Variants in ATP10A observed in about 807,000 individuals in gnomAD.
The protein encoded by ATP10A is ATPase phospholipid transporting 10A (putative), also known as phospholipid-transporting ATPase VA.
Under a neutral mutation model 147.8 loss-of-function variants are expected in ATP10A, and 111 were observed. That is an observed-to-expected ratio of 0.75 (90% confidence interval 0.64 to 0.88). The LOEUF (loss-of-function observed/expected upper bound fraction) is 0.88. Among genes scored for constraint, ATP10A ranks in the 40% least tolerant of loss-of-function variants. The probability of loss-of-function intolerance (pLI) is 0.00; values close to 1 mark genes in which losing one functional copy is unlikely to be tolerated. For synonymous variants in ATP10A, 875 were observed against 841.6 expected (o/e 1.04, Z -0.69); for missense variants, 1,927 against 1,959.0 (o/e 0.98, Z 0.31).
At chr15:25,708,482 C>CAAA in intron 10 of ATP10A, 182 bp from the exon 11 acceptor site, 1 of 256,440 alleles carries the variant, frequency 3.9e-6, no homozygotes, top group Admixed American at 6.5e-5. Flanking sequence ...ATATGTTTGA[C>CAAA]TGTTTTATTT....
At chr15:25,862,327 G>A (rs748553902) in intron 1 of ATP10A, 4 of 559,024 alleles carry the variant, frequency 7.2e-6, no homozygotes, top group South Asian at 6.1e-5. Context: ...TTCACTTCAG[G>A]TGGGAGCGGC....
At chr15:25,847,571 T>A (rs1893078739) in intron 1 of ATP10A, among the ~76,000 whole-genome samples, 1 of 148,116 alleles carries the variant, frequency 6.8e-6, no homozygotes, top group African/African-American at 2.5e-5. Flanking sequence ...AATTTGGAGC[T>A]ATTCCATATA....
At position 25,830,989 on chromosome 15, in the gene ATP10A, G is replaced by T. The variant is rs17116242; in HGVS notation, c.449+31659C>A. On this transcript the variant is annotated intron_variant, in intron 1 of 20. Coordinates refer to ENST00000555815, the MANE Select transcript of ATP10A (RefSeq NM_024490.4). ...GCTGTGCCGGGCCTCCCTTCATCTGGCTGCTTCGCTACATGATTCAAAGCC... is the reference window on the plus strand; with the variant it reads ...GCTGTGCCGGGCCTCCCTTCATCTGTCTGCTTCGCTACATGATTCAAAGCC... Among the ~76,000 whole-genome samples, 445 of 152,286 alleles carry T rather than the reference G, an allele frequency of 2.9e-3. 3 individuals carry two copies. The highest frequency in any genetic ancestry group is 0.01 in the African/African-American group (434 of 41,546).
intron 1 of ATP10A, among the ~76,000 whole-genome samples, chr15:25,803,148 C>A (rs1336187286): frequency 6.6e-6 from 1 of 152,138 alleles, no homozygotes; most frequent in Non-Finnish European, 1.5e-5. Flanking sequence ...TCGGCACCTG[C>A]GAGGAGGGAG....
rs187685205 is a variant in ATP10A at position 25,713,714 on chromosome 15, G to A, written c.2304C>T (p.Ala768=). 3.1e-6 allele frequency: 5 copies of A among 1,613,956 alleles called. No homozygotes were observed. The highest frequency in any genetic ancestry group is 1.3e-5 in the African/African-American group (1 of 74,910). ...GCAGGAGATCCATGACCACTGAGTC[G>A]GCCCCCTTGGTGTAGACGTTGATCT... ...TDEINVYTKG[A]DSVVMDLLQP... is the part of the protein sequence containing the mutation. Residue 768 remains alanine (A), a synonymous_variant, in exon 10 of 21, where the codon GCC becomes GCT. Transcript: ENST00000555815.
chr15:25,788,782 C>T (rs1439174549), intron 1 of ATP10A, among the ~76,000 whole-genome samples: 3 of 152,040 alleles, frequency 2.0e-5, no homozygotes, highest in East Asian at 1.9e-4. Flanking sequence ...GCTTGAGGTG[C>T]GGTGGTATAT....
intron 1 of ATP10A, among the ~76,000 whole-genome samples, chr15:25,843,707 C>T (rs570274100): frequency 3.3e-5 from 5 of 152,170 alleles, no homozygotes; most frequent in African/African-American, 1.2e-4. Flanking sequence ...AAAACTGGTC[C>T]CCTGTAGAAA....
At chr15:25,791,193 C>G (rs1890407629) in intron 1 of ATP10A, among the ~76,000 whole-genome samples, 2 of 151,174 alleles carry the variant, frequency 1.3e-5, no homozygotes, top group African/African-American at 4.9e-5. Context: ...AATTCTCCTG[C>G]CTCAGCCTCC....
chr15:25,795,979 G>A (rs1204666141), intron 1 of ATP10A, among the ~76,000 whole-genome samples: 2 of 152,150 alleles, frequency 1.3e-5, no homozygotes, highest in Admixed American at 1.3e-4. Context: ...CTTCCCCTAT[G>A]AGAGGAAGCA....
intron 2 of ATP10A, among the ~76,000 whole-genome samples, chr15:25,778,208 A>G (rs1889716560): frequency 6.6e-6 from 1 of 152,130 alleles, no homozygotes; most frequent in African/African-American, 2.4e-5. Flanking sequence ...CCAACTGATC[A>G]TTCATTAAAC....
intron 1 of ATP10A, among the ~76,000 whole-genome samples, chr15:25,847,722 T>C (rs1223885253): frequency 6.9e-6 from 1 of 145,388 alleles, no homozygotes; most frequent in Non-Finnish European, 1.5e-5. Context: ...CACAGCACTC[T>C]TAACCTTCTG....
chr15:25,733,206 G>A (rs1747636042), intron 3 of ATP10A, among the ~76,000 whole-genome samples: 2 of 152,168 alleles, frequency 1.3e-5, no homozygotes, highest in African/African-American at 4.8e-5. Flanking sequence ...AGGCTGCAAG[G>A]AGGCCAGTGG....
chr15:25,705,723 C>T (rs1212091847), intron 12 of ATP10A, among the ~76,000 whole-genome samples: 1 of 152,192 alleles, frequency 6.6e-6, no homozygotes, highest in African/African-American at 2.4e-5. Context: ...ACTGCATTTG[C>T]TCATTTCTGT....
intron 1 of ATP10A, among the ~76,000 whole-genome samples, chr15:25,860,405 C>G (rs1893709437): frequency 6.6e-6 from 1 of 152,214 alleles, no homozygotes; most frequent in Non-Finnish European, 1.5e-5. Flanking sequence ...ATGGTGCCAT[C>G]TGTCCCTACA....
chr15:25,744,299 CA>C (rs1351992737), intron 2 of ATP10A, among the ~76,000 whole-genome samples: 1 of 152,050 alleles, frequency 6.6e-6, no homozygotes, highest in African/African-American at 2.4e-5. Flanking sequence ...AGATACTAAA[CA>C]AAACCAGCAA....
In ATP10A at chr15:25,783,985, C is replaced by T. The variant is rs564533969; in HGVS notation, c.450-2762G>A. On this transcript the variant is annotated intron_variant, in intron 1 of 20. Transcript: ENST00000555815. ...GGCCGTCCAGCTTACGAAGGCCAGTCGGACCCCTTCTGAGCACAGACAGGA... is the reference window on the plus strand; with the variant it reads ...GGCCGTCCAGCTTACGAAGGCCAGTTGGACCCCTTCTGAGCACAGACAGGA... Among the ~76,000 whole-genome samples the T allele has an allele frequency of 5.9e-5, 9 of 152,370 alleles. No homozygotes were observed. In the East Asian group the frequency reaches 1.5e-3, roughly 26 times the overall value.
intron 2 of ATP10A, among the ~76,000 whole-genome samples, chr15:25,763,298 T>C (rs534494195): frequency 4.7e-4 from 72 of 152,336 alleles, no homozygotes; most frequent in African/African-American, 1.6e-3. Context: ...ATCCTTTTAA[T>C]TCTAGATCAC....
Position 25,715,834 on chromosome 15 carries a change from A to G in ATP10A, c.1776+896T>C, listed in dbSNP as rs28558495. On this transcript the variant is annotated intron_variant, in intron 9 of 20. Coordinates refer to ENST00000555815, the MANE Select transcript of ATP10A (RefSeq NM_024490.4). ...GGCAGACCCAGGAGGCTGGGAAGGG[A>G]TCCTGGGAGAGTCGGGGGCTGGGAG... Among the ~76,000 whole-genome samples, 1,519 of 152,252 alleles carry G rather than the reference A, an allele frequency of 1.0e-2. 28 individuals are homozygous for G. The highest frequency in any genetic ancestry group is 0.035 in the African/African-American group (1,443 of 41,548).
chr15:25,760,370 T>C (rs1452324201), intron 2 of ATP10A, among the ~76,000 whole-genome samples: 2 of 152,250 alleles, frequency 1.3e-5, no homozygotes, highest in East Asian at 3.8e-4. Flanking sequence ...TATGTCTTCA[T>C]ATAAATGCTA....
Sources: allele counts gnomAD v4.1 joint callset (sites outside exome capture counted in the v4.1 genomes callset), GRCh38; gene constraint gnomAD v4.1.1; transcripts MANE v1.5; gene names NCBI Gene and HGNC (gene_info 2026-07-23, HGNC 2026-07-21).